The following PLXDC2 variants were observed in gnomAD, a reference collection of about 807,000 sequenced individuals.
The protein encoded by PLXDC2 is plexin domain containing 2.
PLXDC2 carries 40 observed loss-of-function variants against 68.9 expected under a neutral mutation model. That is an observed-to-expected ratio of 0.58 (90% confidence interval 0.45 to 0.76). The LOEUF is 0.76. Ranked by LOEUF, PLXDC2 falls within the 30% of genes least tolerant of loss-of-function variation. The pLI, the probability that PLXDC2 is intolerant of heterozygous loss-of-function variation, is 0.00. For synonymous variants in PLXDC2, 243 were observed against 234.2 expected (o/e 1.04, Z -0.34); for missense variants, 644 against 661.9 (o/e 0.97, Z 0.30).
chr10:20,178,199 C>T (rs1166636602), intron 9 of PLXDC2, among the ~76,000 whole-genome samples: 1 of 152,036 alleles, frequency 6.6e-6, no homozygotes, highest in Non-Finnish European at 1.5e-5. Context: ...GTTTTGATGT[C>T]ATGTTGTAAT....
chr10:19,911,264 A>G (rs1833266783), intron 1 of PLXDC2, among the ~76,000 whole-genome samples: 1 of 152,060 alleles, frequency 6.6e-6, no homozygotes, highest in Admixed American at 6.6e-5. Context: ...ATTCTGAGAT[A>G]GTGCTAAAAA....
rs397846779 is a variant in PLXDC2 at position 19,883,884 on chromosome 10, C to CTTTTTTTTTTTTTTTT, written c.112+66705_112+66720dup. Among the ~76,000 whole-genome samples the CTTTTTTTTTTTTTTTT allele has an allele frequency of 2.8e-3, 153 of 55,102 alleles. 45 individuals are homozygous for CTTTTTTTTTTTTTTTT. The highest frequency in any genetic ancestry group is 0.01 in the East Asian group (14 of 1,354). 36.1% of individuals were successfully genotyped at this position (55,102 alleles called of 152,430 possible). ...ATTACTGTCTCCAGATCCCTTTAAA[C>CTTTTTTTTTTTTTTTT]TTTTTTTTTTTTTTTTTTTTTTTTT... On this transcript the variant is annotated intron_variant, in intron 1 of 13. Coordinates refer to ENST00000377252, the MANE Select transcript of PLXDC2 (RefSeq NM_032812.9).
intron 3 of PLXDC2, among the ~76,000 whole-genome samples, chr10:20,061,239 G>A (rs745382297): frequency 1.3e-5 from 2 of 152,070 alleles, no homozygotes; most frequent in South Asian, 2.1e-4. Flanking sequence ...GACCCATATA[G>A]CATTTATGTG....
intron 1 of PLXDC2, among the ~76,000 whole-genome samples, chr10:19,925,979 C>T (rs1322395266): frequency 6.6e-6 from 1 of 152,164 alleles, no homozygotes. Context: ...CACATATGAA[C>T]GCTCAATGTA....
intron 7 of PLXDC2, among the ~76,000 whole-genome samples, chr10:20,171,891 C>T (rs1289101827): frequency 6.6e-6 from 1 of 152,052 alleles, no homozygotes. Context: ...GGGAGGATCA[C>T]TTGAGCCCGC....
intron 9 of PLXDC2, among the ~76,000 whole-genome samples, chr10:20,205,684 C>T (rs1442022524): frequency 2.6e-5 from 4 of 151,840 alleles, no homozygotes; most frequent in Non-Finnish European, 4.4e-5. Context: ...TACCATGTAC[C>T]AGAGGTATTA....
intron 1 of PLXDC2, among the ~76,000 whole-genome samples, chr10:19,865,292 G>A (rs1837392386): frequency 6.6e-6 from 1 of 152,174 alleles, no homozygotes; most frequent in African/African-American, 2.4e-5. Flanking sequence ...TTCACTTTGG[G>A]TTAAAATCTT....
At chr10:20,019,656 C>T (rs1447741774) in intron 2 of PLXDC2, among the ~76,000 whole-genome samples, 1 of 152,112 alleles carries the variant, frequency 6.6e-6, no homozygotes, top group African/African-American at 2.4e-5. Flanking sequence ...TGAGGAAAGG[C>T]CATGTGAGGA....
chr10:19,864,546 C>A (rs1837378864), intron 1 of PLXDC2, among the ~76,000 whole-genome samples: 1 of 152,120 alleles, frequency 6.6e-6, no homozygotes, highest in South Asian at 2.1e-4. Flanking sequence ...AAAATATTAT[C>A]TTTCTGCTAA....
intron 1 of PLXDC2, among the ~76,000 whole-genome samples, chr10:19,900,805 C>T (rs902260216): frequency 6.6e-6 from 1 of 151,588 alleles, no homozygotes; most frequent in African/African-American, 2.4e-5. Flanking sequence ...CCTTTTTATG[C>T]GTTTGTTTCC....
At chr10:20,163,134 G>T (rs989507373) in intron 6 of PLXDC2, among the ~76,000 whole-genome samples, 3 of 152,046 alleles carry the variant, frequency 2.0e-5, no homozygotes, top group Non-Finnish European at 4.4e-5. Flanking sequence ...GTGTGTTTCT[G>T]TTATCCAAAT....
At chr10:19,949,071 G>C (rs986101446) in intron 1 of PLXDC2, among the ~76,000 whole-genome samples, 2 of 118,568 alleles carry the variant, frequency 1.7e-5, no homozygotes, top group Non-Finnish European at 3.2e-5. Context: ...AGGTTGCAGT[G>C]AACCAAGATT....
At chr10:20,217,001 A>G (rs1835146284) in intron 10 of PLXDC2, among the ~76,000 whole-genome samples, 1 of 152,246 alleles carries the variant, frequency 6.6e-6, no homozygotes, top group South Asian at 2.1e-4. Flanking sequence ...CGGATTTAGC[A>G]TTGTCAGTTT....
rs1345052772 is a variant in PLXDC2, at chr10:20,288,635, C to T, written c.*8816C>T. The T allele has an allele frequency of 6.6e-6, 1 of 152,186 alleles. No homozygotes were observed. Among genetic ancestry groups the T allele is most frequent in the African/African-American group, 2.4e-5 (1 of 41,436 alleles). The allele number at this position is 152,186 out of a possible 1,614,324, so 9.4% of individuals were successfully genotyped here. On this transcript the variant is annotated 3_prime_UTR_variant, in exon 14 of 14. Coordinates refer to ENST00000377252, the MANE Select transcript of PLXDC2 (RefSeq NM_032812.9). Reference sequence around the variant, plus strand: ...ACCTAAGTTTGAATGTATTTCCTTACAGTCCATTAATTTGACATCCATCTT... The same window carrying T: ...ACCTAAGTTTGAATGTATTTCCTTATAGTCCATTAATTTGACATCCATCTT...
chr10:19,945,165 T>C (rs1833881065), intron 1 of PLXDC2, among the ~76,000 whole-genome samples: 1 of 152,206 alleles, frequency 6.6e-6, no homozygotes, highest in African/African-American at 2.4e-5. Flanking sequence ...GAGTCAGCTT[T>C]ATGCCAAACT....
chr10:20,078,881 A>T (rs1441861364), intron 4 of PLXDC2, among the ~76,000 whole-genome samples: 1 of 152,152 alleles, frequency 6.6e-6, no homozygotes, highest in Non-Finnish European at 1.5e-5. Flanking sequence ...ACAAGGTTTG[A>T]AATATATTAT....
At chr10:19,987,682 C>T (rs931402849) in intron 1 of PLXDC2, among the ~76,000 whole-genome samples, 2 of 152,086 alleles carry the variant, frequency 1.3e-5, no homozygotes, top group African/African-American at 2.4e-5. Context: ...CTGCCTCAGC[C>T]TCCCCGGTAG....
chr10:19,969,081 G>A (rs1487384844), intron 1 of PLXDC2, among the ~76,000 whole-genome samples: 1 of 152,118 alleles, frequency 6.6e-6, no homozygotes, highest in Non-Finnish European at 1.5e-5. Context: ...GATCACCTTT[G>A]ACAATTGTTT....
chr10:20,082,133 T>C (rs1836578240), intron 4 of PLXDC2, among the ~76,000 whole-genome samples: 1 of 142,540 alleles, frequency 7.0e-6, no homozygotes, highest in Non-Finnish European at 1.5e-5. Flanking sequence ...ACATAACAGC[T>C]AAATATAATG....
Sources: gnomAD v4.1 joint callset for allele counts (sites outside exome capture counted in the v4.1 genomes callset) on GRCh38, gnomAD v4.1.1 for gene constraint, MANE v1.5 for transcripts, NCBI Gene and HGNC (gene_info 2026-07-23, HGNC 2026-07-21) for gene names.